GRID2: variants seen among roughly 807,000 people sequenced by gnomAD.
GRID2 encodes the protein glutamate ionotropic receptor delta type subunit 2.
GRID2 carries 33 observed loss-of-function variants against 114.8 expected under a neutral mutation model. The ratio of observed to expected loss-of-function variants is 0.29; its 90% CI spans 0.22 to 0.38. The LOEUF is 0.38. Among genes scored for constraint, GRID2 ranks in the 10% least tolerant of loss-of-function variants. The pLI is 1.00. For synonymous variants in GRID2, 505 were observed against 449.9 expected (o/e 1.12, Z -1.55); for missense variants, 1,184 against 1,257.7 (o/e 0.94, Z 0.89).
chr4:92,798,437 T>G (rs1739995629), intron 2 of GRID2, among the ~76,000 whole-genome samples: 1 of 152,066 alleles, frequency 6.6e-6, no homozygotes, highest in Non-Finnish European at 1.5e-5. Flanking sequence ...GGATTTCCCC[T>G]TGTGATGTCT....
chr4:93,711,534 G>A (rs1452194509), intron 14 of GRID2, among the ~76,000 whole-genome samples: 1 of 152,174 alleles, frequency 6.6e-6, no homozygotes, highest in African/African-American at 2.4e-5. Flanking sequence ...GAGCACTTCA[G>A]CCCACGGTGG....
intron 4 of GRID2, among the ~76,000 whole-genome samples, chr4:93,205,798 T>C (rs2149467511): frequency 6.6e-6 from 1 of 152,236 alleles, no homozygotes; most frequent in African/African-American, 2.4e-5. Context: ...TTCCTATTTC[T>C]CCACATCCTC....
intron 9 of GRID2, among the ~76,000 whole-genome samples, chr4:93,398,175 A>G (rs1363878101): frequency 1.4e-5 from 2 of 147,580 alleles, no homozygotes; most frequent in African/African-American, 5.2e-5. Flanking sequence ...GGAAGGGGTT[A>G]AGGTCTAGAA....
intron 2 of GRID2, among the ~76,000 whole-genome samples, chr4:92,922,528 G>A (rs912368924): frequency 6.6e-6 from 1 of 152,094 alleles, no homozygotes; most frequent in African/African-American, 2.4e-5. Context: ...CTCATTTAAT[G>A]TAAAAATGAA....
intron 2 of GRID2, among the ~76,000 whole-genome samples, chr4:92,844,687 C>T (rs575532897): frequency 1.6e-5 from 2 of 126,332 alleles, no homozygotes; most frequent in East Asian, 4.5e-4. Context: ...GCCTGTGCAA[C>T]AGAGCAAGAC....
intron 8 of GRID2, among the ~76,000 whole-genome samples, chr4:93,316,206 T>C (rs959845952): frequency 1.8e-4 from 27 of 150,604 alleles, no homozygotes; most frequent in African/African-American, 6.1e-4. Context: ...TTTTTACAGT[T>C]GTAGTAGGTC....
At chr4:93,219,404 A>G (rs917471061) in intron 6 of GRID2, among the ~76,000 whole-genome samples, 1 of 152,126 alleles carries the variant, frequency 6.6e-6, no homozygotes, top group Non-Finnish European at 1.5e-5. Flanking sequence ...ACAATAAAGT[A>G]TGGGGAAGCA....
chr4:92,966,134 G>A (rs1222467035), intron 2 of GRID2, among the ~76,000 whole-genome samples: 1 of 151,900 alleles, frequency 6.6e-6, no homozygotes, highest in Non-Finnish European at 1.5e-5. Flanking sequence ...CATTCTGACA[G>A]GTACTATGGA....
chr4:92,989,300 A>AAAAAAAAAAT (rs1553962743), intron 2 of GRID2, among the ~76,000 whole-genome samples: 1 of 92,266 alleles, frequency 1.1e-5, no homozygotes, highest in African/African-American at 4.4e-5. Context: ...AAAAAAAAAA[A>AAAAAAAAAAT]AATAATAATA....
intron 10 of GRID2, among the ~76,000 whole-genome samples, chr4:93,449,289 T>C (rs1480237000): frequency 6.6e-6 from 1 of 151,978 alleles, no homozygotes; most frequent in African/African-American, 2.4e-5. Flanking sequence ...CTGCTTTCTG[T>C]AGAAAATATT....
intron 2 of GRID2, among the ~76,000 whole-genome samples, chr4:92,611,749 T>C (rs1322644437): frequency 6.6e-6 from 1 of 151,672 alleles, no homozygotes; most frequent in South Asian, 2.1e-4. Context: ...ATTTCTCTAA[T>C]GATTAGTGAC....
intron 1 of GRID2, among the ~76,000 whole-genome samples, chr4:92,502,705 C>CTTTTTTTTTT (rs70940901): frequency 1.6e-5 from 1 of 63,938 alleles, no homozygotes; most frequent in Non-Finnish European, 2.7e-5. Flanking sequence ...CATGTGATTT[C>CTTTTTTTTTT]TTTTTTTTTT....
intron 13 of GRID2, among the ~76,000 whole-genome samples, chr4:93,573,896 T>G (rs1177663209): frequency 6.6e-6 from 1 of 152,144 alleles, no homozygotes; most frequent in African/African-American, 2.4e-5. Flanking sequence ...CCACAACTTA[T>G]TAGCTAAACT....
At chr4:93,512,283 A>G (rs1729269247) in intron 12 of GRID2, among the ~76,000 whole-genome samples, 1 of 152,170 alleles carries the variant, frequency 6.6e-6, no homozygotes, top group African/African-American at 2.4e-5. Context: ...GTTTTTGAAG[A>G]TTACCATTTG....
At chr4:93,221,131 G>A (rs1397866751) in intron 6 of GRID2, among the ~76,000 whole-genome samples, 2 of 152,116 alleles carry the variant, frequency 1.3e-5, no homozygotes, top group African/African-American at 4.8e-5. Flanking sequence ...TGGTCTCTAT[G>A]TCAGAAGAAT....
intron 2 of GRID2, among the ~76,000 whole-genome samples, chr4:92,804,930 A>T (rs954964784): frequency 6.6e-6 from 1 of 152,002 alleles, no homozygotes; most frequent in Non-Finnish European, 1.5e-5. Context: ...GATAACTTAC[A>T]TTATCCAACT....
intron 2 of GRID2, among the ~76,000 whole-genome samples, chr4:93,025,750 C>G (rs1723826621): frequency 6.6e-6 from 1 of 151,682 alleles, no homozygotes; most frequent in Non-Finnish European, 1.5e-5. Context: ...GTAACTGGCT[C>G]TAACATAATA....
intron 13 of GRID2, among the ~76,000 whole-genome samples, chr4:93,533,110 C>A (rs1307884256): frequency 1.3e-5 from 2 of 152,070 alleles, no homozygotes; most frequent in Non-Finnish European, 2.9e-5. Flanking sequence ...ATATCCAAAA[C>A]CCAACAGTTG....
intron 8 of GRID2, among the ~76,000 whole-genome samples, chr4:93,310,991 A>T (rs942633537): frequency 6.6e-6 from 1 of 152,184 alleles, no homozygotes; most frequent in Non-Finnish European, 1.5e-5. Flanking sequence ...CCACATGCAC[A>T]TGTTGAATAA....
Sources: gnomAD v4.1 joint callset for allele counts (sites outside exome capture counted in the v4.1 genomes callset) on GRCh38, gnomAD v4.1.1 for gene constraint, MANE v1.5 for transcripts, NCBI Gene and HGNC (gene_info 2026-07-23, HGNC 2026-07-21) for gene names.